The following DKK2 variants were observed in gnomAD, a reference collection of about 807,000 sequenced individuals.
DKK2 encodes the protein dickkopf Wnt signaling pathway inhibitor 2.
In DKK2, 11 loss-of-function variants were observed where a neutral mutation model predicts 28.1. The observed-to-expected ratio is 0.39, with a 90% confidence interval of 0.25 to 0.65. The LOEUF (loss-of-function observed/expected upper bound fraction) is 0.65, where lower values mean the gene tolerates loss of function less well. Ranked by LOEUF, DKK2 falls within the 30% of genes least tolerant of loss-of-function variation. The pLI is 0.47. For synonymous variants in DKK2, 135 were observed against 126.5 expected (o/e 1.07, Z -0.45); for missense variants, 326 against 335.5 (o/e 0.97, Z 0.22).
chr4:106,924,375 AT>A (rs1724394802), intron 3 of DKK2, 169 bp downstream of exon 3: 8 of 1,239,486 alleles, frequency 6.5e-6, no homozygotes, highest in Admixed American at 2.8e-5. Flanking sequence ...TATCACATAA[AT>A]CTATTATGGT....
At chr4:106,987,205 C>T (rs976170925) in intron 1 of DKK2, among the ~76,000 whole-genome samples, 11 of 152,092 alleles carry the variant, frequency 7.2e-5, no homozygotes, top group Non-Finnish European at 1.3e-4. Context: ...ATGCAAGTGG[C>T]TGTGTATAAA....
At chr4:106,946,222 G>T (rs1724773210) in intron 1 of DKK2, among the ~76,000 whole-genome samples, 1 of 151,706 alleles carries the variant, frequency 6.6e-6, no homozygotes, top group South Asian at 2.1e-4. Flanking sequence ...CCATCTATTG[G>T]ATATTTAATA....
At chr4:107,002,584 T>TAA (rs796186792) in intron 1 of DKK2, among the ~76,000 whole-genome samples, 3 of 150,466 alleles carry the variant, frequency 2.0e-5, no homozygotes, top group African/African-American at 7.3e-5. Context: ...AAAAAGACAG[T>TAA]AAAAAAAAAG....
At chr4:106,969,892 C>T (rs1401850363) in intron 1 of DKK2, among the ~76,000 whole-genome samples, 2 of 152,004 alleles carry the variant, frequency 1.3e-5, no homozygotes, top group Admixed American at 1.3e-4. Flanking sequence ...CTTCCTACTC[C>T]AGGGGCATAA....
At chr4:106,967,664 C>A (rs1722802907) in intron 1 of DKK2, among the ~76,000 whole-genome samples, 1 of 151,700 alleles carries the variant, frequency 6.6e-6, no homozygotes, top group South Asian at 2.1e-4. Flanking sequence ...TGGTACCTAG[C>A]AGACAATGCC....
chr4:106,930,444 G>T (rs1033372813), intron 1 of DKK2, among the ~76,000 whole-genome samples: 7 of 152,074 alleles, frequency 4.6e-5, no homozygotes, highest in African/African-American at 7.2e-5. Flanking sequence ...ACAATGAAAG[G>T]AGAAAAAGTG....
intron 1 of DKK2, among the ~76,000 whole-genome samples, chr4:106,955,448 C>A (rs1026956278): frequency 3.9e-5 from 6 of 152,194 alleles, no homozygotes; most frequent in Non-Finnish European, 8.8e-5. Context: ...AGAGGAACAG[C>A]CACACCACAG....
At chr4:106,982,428 A>C (rs1723039933) in intron 1 of DKK2, among the ~76,000 whole-genome samples, 1 of 152,160 alleles carries the variant, frequency 6.6e-6, no homozygotes, top group Non-Finnish European at 1.5e-5. Context: ...ACACCCAAAC[A>C]GAAAGAAACT....
At chr4:106,967,539 A>G (rs1347864984) in intron 1 of DKK2, among the ~76,000 whole-genome samples, 2 of 152,152 alleles carry the variant, frequency 1.3e-5, no homozygotes, top group Admixed American at 6.6e-5. Context: ...CTGCTCATCC[A>G]TGTTCCAGAG....
chr4:107,018,756 G>A (rs1723647921), intron 1 of DKK2, among the ~76,000 whole-genome samples: 1 of 151,940 alleles, frequency 6.6e-6, no homozygotes, highest in Non-Finnish European at 1.5e-5. Flanking sequence ...TGAAAATCTG[G>A]TCAAAGGAAA....
chr4:106,946,165 A>C (rs930190955), intron 1 of DKK2, among the ~76,000 whole-genome samples: 1 of 152,178 alleles, frequency 6.6e-6, no homozygotes, highest in African/African-American at 2.4e-5. Flanking sequence ...TTTTAATTGT[A>C]ATCACTTGTC....
intron 1 of DKK2, among the ~76,000 whole-genome samples, chr4:107,014,066 C>A (rs542688254): frequency 2.2e-4 from 34 of 151,500 alleles, no homozygotes; most frequent in African/African-American, 8.0e-4. Context: ...GCCATTATAA[C>A]AAACAGTATG....
At chr4:106,999,342 T>C (rs1723322576) in intron 1 of DKK2, among the ~76,000 whole-genome samples, 1 of 152,136 alleles carries the variant, frequency 6.6e-6, no homozygotes, top group African/African-American at 2.4e-5. Flanking sequence ...CCAACACATA[T>C]GTAAATATCT....
rs1223395552 is a variant in DKK2, at chr4:107,035,895, C to G, written c.-304G>C. The stretch of plus-strand genomic sequence containing the variant: ...AGGCGTGACCCAAGGTGCAAGAAAA[C>G]CCAGCCCTGTGGATCGCACCGCTTC... On this transcript the variant is annotated 5_prime_UTR_variant, in exon 1 of 4. Coordinates refer to ENST00000285311, the MANE Select transcript of DKK2 (RefSeq NM_014421.3). The G allele has an allele frequency of 2.3e-6, 1 of 435,130 alleles. No homozygotes were observed. The highest frequency in any genetic ancestry group is 4.2e-6 in the Non-Finnish European group (1 of 236,826). The allele number at this position is 435,130 out of a possible 1,614,324, so 27.0% of individuals were successfully genotyped here. A position where few individuals can be genotyped will look rare whatever the true frequency, so the allele number is the denominator to read the frequency against.
chr4:106,976,525 G>T (rs1722948276), intron 1 of DKK2, among the ~76,000 whole-genome samples: 1 of 152,164 alleles, frequency 6.6e-6, no homozygotes, highest in African/African-American at 2.4e-5. Context: ...ATCTTTGTTG[G>T]TTTAAAGTCT....
At chr4:107,015,210 T>C (rs1304078653) in intron 1 of DKK2, among the ~76,000 whole-genome samples, 1 of 151,628 alleles carries the variant, frequency 6.6e-6, no homozygotes, top group Non-Finnish European at 1.5e-5. Flanking sequence ...CATAGGTACC[T>C]ATACACTTGG....
intron 1 of DKK2, among the ~76,000 whole-genome samples, chr4:106,997,232 C>A (rs1438724365): frequency 2.0e-5 from 3 of 152,096 alleles, no homozygotes; most frequent in Non-Finnish European, 4.4e-5. Context: ...AGAGCTCTTT[C>A]TTTCTATACT....
intron 1 of DKK2, among the ~76,000 whole-genome samples, chr4:106,934,024 A>G (rs1167614397): frequency 6.6e-6 from 1 of 151,096 alleles, no homozygotes; most frequent in Non-Finnish European, 1.5e-5. Flanking sequence ...ATATATACAC[A>G]CACTATATAT....
intron 1 of DKK2, among the ~76,000 whole-genome samples, chr4:106,944,006 A>G (rs986188861): frequency 4.6e-5 from 7 of 152,146 alleles, no homozygotes; most frequent in South Asian, 4.1e-4. Context: ...TTGGTGGATC[A>G]TATCTGATAG....
Sources: gnomAD v4.1 joint callset for allele counts (sites outside exome capture counted in the v4.1 genomes callset) on GRCh38, gnomAD v4.1.1 for gene constraint, MANE v1.5 for transcripts, NCBI Gene and HGNC (gene_info 2026-07-23, HGNC 2026-07-21) for gene names.